Variants in ZNF787 observed in about 807,000 individuals in gnomAD.
The protein encoded by ZNF787 is zinc finger protein 787, also known as TTF-I-interacting peptide 20.
ZNF787 carries 7 observed loss-of-function variants against 16.9 expected under a neutral mutation model. The observed-to-expected ratio is 0.42, with a 90% CI of 0.24 to 0.78. The LOEUF (loss-of-function observed/expected upper bound fraction) is 0.78, where lower values mean the gene tolerates loss of function less well. Ranked by LOEUF, ZNF787 falls within the 30% of genes least tolerant of loss-of-function variation. ZNF787 has a pLI of 0.30. For missense variants in ZNF787, 551 were observed against 589.3 expected (o/e 0.94, Z 0.67); for synonymous variants, 345 against 270.9 (o/e 1.27, Z -2.69).
intron 2 of ZNF787, chr19:56,102,202 A>T (rs1986125227): frequency 6.6e-6 from 1 of 152,256 alleles, no homozygotes; most frequent in South Asian, 2.1e-4. Flanking sequence ...GCCTTTCTGC[A>T]TCAAGTGTGC....
chr19:56,096,260 A>AT (rs1568525931), intron 2 of ZNF787, among the ~76,000 whole-genome samples: 3 of 103,236 alleles, frequency 2.9e-5, no homozygotes, highest in African/African-American at 1.2e-4. Context: ...AAATAAAAAA[A>AT]ATAAAAAAAC....
At chr19:56,089,793 C>T (rs1009027400) in intron 2 of ZNF787, among the ~76,000 whole-genome samples, 1 of 152,198 alleles carries the variant, frequency 6.6e-6, no homozygotes, top group African/African-American at 2.4e-5. Context: ...CAGGGCTTTG[C>T]CTGCACATCT....
chr19:56,099,537 C>G (rs1157307015), intron 2 of ZNF787, among the ~76,000 whole-genome samples: 2 of 152,030 alleles, frequency 1.3e-5, no homozygotes, highest in African/African-American at 2.4e-5. Context: ...ACGGTGAAAC[C>G]CAGTCTCTAC....
Position 56,088,185 on chromosome 19 carries a change from G to A in ZNF787, c.987C>T (p.Gly329=), listed in dbSNP as rs1451556806. 2.6e-6 allele frequency: 4 copies of A among 1,543,966 alleles called. No individual in the cohort carries two copies. Among genetic ancestry groups the A allele is most frequent in the Admixed American group, 1.9e-5 (1 of 53,674 alleles). The change falls in exon 3 of 3, where the codon GGC becomes GGT. Residue 329 remains glycine, a synonymous_variant. Coordinates refer to ENST00000610935, the MANE Select transcript of ZNF787 (RefSeq NM_001002836.4). This position sits in a 1 kb window ranked among gnomAD's most constrained non-coding sequence, Gnocchi z 8.6. ...CVECGEGFVQ[G]AALRRHKKIH... ...TCTTCTTGTGTCTCCGGAGCGCGGC[G>A]CCCTGCACGAAGCCCTCCCCGCACT... is the stretch of plus-strand genomic sequence containing the variant.
chr19:56,108,740 C>T (rs887098793), intron 1 of ZNF787, among the ~76,000 whole-genome samples: 11 of 152,252 alleles, frequency 7.2e-5, no homozygotes, highest in African/African-American at 2.6e-4. Flanking sequence ...CTCAGCCCCT[C>T]GCCGGACCTG....
intron 2 of ZNF787, 161 bp downstream of exon 2, chr19:56,102,978 G>A: frequency 1.3e-6 from 1 of 752,782 alleles, no homozygotes; most frequent in Non-Finnish European, 2.3e-6. Flanking sequence ...CTACAGCCAG[G>A]AGTGCAAGGC....
intron 2 of ZNF787, among the ~76,000 whole-genome samples, chr19:56,098,596 C>T (rs1010191518): frequency 7.0e-6 from 1 of 143,172 alleles, no homozygotes; most frequent in Non-Finnish European, 1.5e-5. Context: ...TGATTACGGC[C>T]GCAGGGTGAT....
At chr19:56,099,746 G>C (rs556491054) in intron 2 of ZNF787, among the ~76,000 whole-genome samples, 9 of 151,246 alleles carry the variant, frequency 6.0e-5, no homozygotes, top group Non-Finnish European at 1.0e-4. Context: ...AGAGAGAAAG[G>C]ACGAGTCACA....
rs969562979 is a variant in ZNF787, at chr19:56,087,917, G to A, written c.*106C>T. The stretch of plus-strand genomic sequence containing the variant: ...GGGCGGGGAGCCGGGGATGCCGCGG[G>A]GTCCATCGCACCCCGTCCGCTTCTC... On this transcript the variant is annotated 3_prime_UTR_variant, in exon 3 of 3. Transcript: ENST00000610935. 5 of 1,278,370 alleles carry A rather than the reference G, an allele frequency of 3.9e-6. No individual in the cohort carries two copies. The highest frequency in any genetic ancestry group is 3.9e-6 in the Non-Finnish European group (4 of 1,012,808). 79.2% of individuals were successfully genotyped at this position (1,278,370 alleles called of 1,614,324 possible).
intron 2 of ZNF787, among the ~76,000 whole-genome samples, chr19:56,091,439 G>C (rs989746733): frequency 3.3e-5 from 5 of 152,206 alleles, no homozygotes; most frequent in African/African-American, 9.7e-5. Flanking sequence ...AGTACGTGGA[G>C]AGCGCAGTGA....
rs1985427983 is a variant in ZNF787, at chr19:56,088,397, T to C, written c.775A>G (p.Met259Val). The change falls in exon 3 of 3, where the codon ATG becomes GTG. Residue 259 changes from methionine (M) to valine (V), a missense_variant. Around this residue, in one of 4 missense-constraint regions of ZNF787, gnomAD observed 392 missense variants for 312.7 expected, o/e 1.25. Coordinates refer to ENST00000610935, the MANE Select transcript of ZNF787 (RefSeq NM_001002836.4). This position sits in a 1 kb window ranked among gnomAD's most constrained non-coding sequence, Gnocchi z 8.6. Reference protein sequence around the residue: ...PGEGAAAAAAMAGAGAKAAGP... With the variant: ...PGEGAAAAAAVAGAGAKAAGP... ...GCGGCCTTTGCCCCCGCGCCCGCCA[T>C]GGCTGCCGCGGCCGCGGCCCCCTCG... The C allele has an allele frequency of 2.7e-6, 3 of 1,099,680 alleles. No individual in the cohort carries two copies. The highest frequency in any genetic ancestry group is 5.3e-5 in the Admixed American group (1 of 18,950). 68.1% of individuals were successfully genotyped at this position (1,099,680 alleles called of 1,614,324 possible).
chr19:56,113,696 G>GCAGGGAC (rs1568535525), intron 1 of ZNF787, among the ~76,000 whole-genome samples: 7 of 8,136 alleles, frequency 8.6e-4, no homozygotes, highest in African/African-American at 1.2e-3. Flanking sequence ...GACGCAGGGA[G>GCAGGGAC]GCAGGGAGGC....
chr19:56,112,341 C>A (rs499083), intron 1 of ZNF787, among the ~76,000 whole-genome samples: 15,861 of 152,210 alleles, frequency 0.1, 906 homozygotes, highest in African/African-American at 0.17. Context: ...TCAGGCTCTC[C>A]CAGCCTCTGC....
In ZNF787 at chr19:56,088,014, G is replaced by GCCCC; in HGVS notation, c.*5_*8dup. On this transcript the variant is annotated 3_prime_UTR_variant, in exon 3 of 3. Coordinates refer to ENST00000610935, the MANE Select transcript of ZNF787 (RefSeq NM_001002836.4). This position sits in a 1 kb window ranked among gnomAD's most constrained non-coding sequence, Gnocchi z 8.6. ...GGGCCCTGCCCGCCCCCCCCCCCGG[G>GCCCC]CCCCTCCCCTACCGGCCCTCCCCAC... The GCCCC allele has an allele frequency of 1.0e-6, 1 of 1,001,638 alleles. No individual in the cohort carries two copies. The highest frequency in any genetic ancestry group is 1.2e-6 in the Non-Finnish European group (1 of 850,010). 62.0% of individuals were successfully genotyped at this position (1,001,638 alleles called of 1,614,324 possible).
At chr19:56,099,391 G>A (rs1427427118) in intron 2 of ZNF787, among the ~76,000 whole-genome samples, 1 of 152,230 alleles carries the variant, frequency 6.6e-6, no homozygotes, top group African/African-American at 2.4e-5. Flanking sequence ...GCATTTCATG[G>A]AGCAGAGAGC....
At position 56,087,860 on chromosome 19, in the gene ZNF787, T is replaced by C. The variant is rs1985353256; in HGVS notation, c.*163A>G. 1 of 1,146,550 alleles carries C rather than the reference T, an allele frequency of 8.7e-7. No homozygotes were observed. The highest frequency in any genetic ancestry group is 1.1e-6 in the Non-Finnish European group (1 of 904,310). The allele number at this position is 1,146,550 out of a possible 1,614,324, so 71.0% of individuals were successfully genotyped here. On this transcript the variant is annotated 3_prime_UTR_variant, in exon 3 of 3. Coordinates refer to ENST00000610935, the MANE Select transcript of ZNF787 (RefSeq NM_001002836.4). The stretch of plus-strand genomic sequence containing the variant: ...GTGAACGGGCCCTAATACGCCCCAG[T>C]GCCCCCCCACGGACGGCGCAGGGAC...
Position 56,089,111 on chromosome 19 carries a change from G to A in ZNF787, c.80-19C>T. On this transcript the variant is annotated intron_variant, in intron 2 of 2. Transcript: ENST00000610935. ...ATGTCCACTGGAAAGCAAGAGGGTAGGGGGAGGTGAGTCAAGAGAGGCAAG... is the reference window on the plus strand; with the variant it reads ...ATGTCCACTGGAAAGCAAGAGGGTAAGGGGAGGTGAGTCAAGAGAGGCAAG... 1 of 1,440,486 alleles carries A rather than the reference G, an allele frequency of 6.9e-7. No homozygotes were observed. The highest frequency in any genetic ancestry group is 1.5e-5 in the South Asian group (1 of 64,864). 89.2% of individuals were successfully genotyped at this position (1,440,486 alleles called of 1,614,324 possible). A position where few individuals can be genotyped will look rare whatever the true frequency, so the allele number is the denominator to read the frequency against.
chr19:56,110,336 T>C (rs923262511), intron 1 of ZNF787, among the ~76,000 whole-genome samples: 5 of 148,512 alleles, frequency 3.4e-5, no homozygotes, highest in African/African-American at 1.0e-4. Flanking sequence ...CACTCCAGCC[T>C]GGGCAACAGA....
chr19:56,100,118 G>A (rs902042003), intron 2 of ZNF787, among the ~76,000 whole-genome samples: 2 of 152,176 alleles, frequency 1.3e-5, no homozygotes, highest in Admixed American at 1.3e-4. Flanking sequence ...GTCAGGAGCT[G>A]AGGAAGGGTC....
Sources: allele counts gnomAD v4.1 joint callset (sites outside exome capture counted in the v4.1 genomes callset), GRCh38; gene constraint gnomAD v4.1.1; regional missense constraint gnomAD v4.1.1; non-coding constraint Gnocchi (gnomAD v3.1); transcripts MANE v1.5; gene names NCBI Gene and HGNC (gene_info 2026-07-23, HGNC 2026-07-21).